MAST4: variants seen among roughly 807,000 people sequenced by gnomAD.
MAST4 encodes the protein microtubule-associated serine/threonine-protein kinase 4.
MAST4 carries 89 observed loss-of-function variants against 162.7 expected under a neutral mutation model. That is an observed-to-expected ratio of 0.55 (90% confidence interval 0.46 to 0.65). MAST4 has a LOEUF of 0.65. Ranked by LOEUF, MAST4 falls within the 30% of genes least tolerant of loss-of-function variation. The pLI, the probability that MAST4 is intolerant of heterozygous loss-of-function variation, is 0.00. For synonymous variants in MAST4, 1,479 were observed against 1,361.1 expected (o/e 1.09, Z -1.91); for missense variants, 3,153 against 3,374.0 (o/e 0.93, Z 1.62).
intron 26 of MAST4, among the ~76,000 whole-genome samples, chr5:67,155,100 C>G (rs1055919219): frequency 6.6e-6 from 1 of 152,172 alleles, no homozygotes; most frequent in Non-Finnish European, 1.5e-5. Flanking sequence ...GCATGACTAC[C>G]TGTATAGTGT....
chr5:66,752,955 C>T (rs1753279833), intron 1 of MAST4, among the ~76,000 whole-genome samples: 1 of 151,636 alleles, frequency 6.6e-6, no homozygotes, highest in Non-Finnish European at 1.5e-5. Flanking sequence ...AACTATCTCT[C>T]AGACCACAGT....
rs552201635 is a variant in MAST4, at chr5:66,773,419, GAGAGC to G, written c.517+13562_517+13566del. Among the ~76,000 whole-genome samples the G allele has an allele frequency of 3.2e-3, 487 of 152,322 alleles. 1 individual carries two copies. Among genetic ancestry groups the G allele is most frequent in the African/African-American group, 0.011 (461 of 41,568 alleles). On this transcript the variant is annotated intron_variant, in intron 2 of 28. Transcript: ENST00000403625. ...CCTGAATCAGACCTAAGCCTGAAGG[GAGAGC>G]AGAGGGTAAGTCCCCTCCTTGCATT...
At chr5:66,757,927 G>C (rs538357936) in intron 1 of MAST4, among the ~76,000 whole-genome samples, 1 of 152,300 alleles carries the variant, frequency 6.6e-6, no homozygotes, top group South Asian at 2.1e-4. Flanking sequence ...CAGTGATTTG[G>C]TTCTGCATTT....
At chr5:66,673,530 G>GTTT (rs11376867) in intron 1 of MAST4, among the ~76,000 whole-genome samples, 17 of 106,546 alleles carry the variant, frequency 1.6e-4, no homozygotes, top group East Asian at 9.3e-4. Flanking sequence ...TTTGTTTTTT[G>GTTT]TTTTTTTTTT....
chr5:67,049,076 T>C (rs1167868979), intron 4 of MAST4, among the ~76,000 whole-genome samples: 1 of 143,514 alleles, frequency 7.0e-6, no homozygotes, highest in Non-Finnish European at 1.5e-5. Flanking sequence ...TATATATATA[T>C]ATACACTACC....
intron 3 of MAST4, among the ~76,000 whole-genome samples, chr5:66,821,780 G>A (rs866441000): frequency 8.5e-5 from 13 of 152,106 alleles, no homozygotes; most frequent in South Asian, 2.1e-4. Context: ...GGGAAACCTC[G>A]GTGCCCTCCT....
chr5:67,017,863 C>T (rs1753505480), intron 4 of MAST4, among the ~76,000 whole-genome samples: 1 of 152,086 alleles, frequency 6.6e-6, no homozygotes, highest in Non-Finnish European at 1.5e-5. Flanking sequence ...TCCCAAAGTG[C>T]AGGGATTGCA....
intron 4 of MAST4, among the ~76,000 whole-genome samples, chr5:67,051,704 A>C (rs546765032): frequency 6.6e-6 from 1 of 152,286 alleles, no homozygotes; most frequent in Non-Finnish European, 1.5e-5. Flanking sequence ...TATATATATC[A>C]AGATATAGGT....
intron 4 of MAST4, among the ~76,000 whole-genome samples, chr5:66,941,880 C>T (rs1356917841): frequency 6.6e-6 from 1 of 151,994 alleles, no homozygotes; most frequent in African/African-American, 2.4e-5. Flanking sequence ...CAGAAAGGCC[C>T]ATGGAGAAGG....
intron 2 of MAST4, among the ~76,000 whole-genome samples, chr5:66,775,603 C>T (rs781760292): frequency 3.3e-5 from 5 of 152,084 alleles, no homozygotes; most frequent in Admixed American, 1.3e-4. Context: ...AAGCAATTGG[C>T]GGTTTGTTAG....
At chr5:66,743,546 A>G (rs1752586903) in intron 1 of MAST4, among the ~76,000 whole-genome samples, 1 of 152,244 alleles carries the variant, frequency 6.6e-6, no homozygotes, top group Non-Finnish European at 1.5e-5. Flanking sequence ...GCACTGGGTC[A>G]GAGTCCAGTC....
chr5:66,752,551 C>G (rs1195893893), intron 1 of MAST4, among the ~76,000 whole-genome samples: 1 of 141,222 alleles, frequency 7.1e-6, no homozygotes, highest in Non-Finnish European at 1.5e-5. Flanking sequence ...ACAAAGAAGG[C>G]CATTACATAA....
At chr5:66,909,994 G>A (rs1763641244) in intron 4 of MAST4, among the ~76,000 whole-genome samples, 1 of 152,108 alleles carries the variant, frequency 6.6e-6, no homozygotes, top group Admixed American at 6.5e-5. Context: ...TGAGTCTATT[G>A]AACTTCTTTC....
At chr5:67,004,944 C>A in intron 4 of MAST4, 1 of 726,672 alleles carries the variant, frequency 1.4e-6, no homozygotes, top group South Asian at 1.5e-5. Context: ...TACCTCTCCC[C>A]ATTTTAGTCA....
At chr5:67,097,019 G>A (rs967971113) in intron 7 of MAST4, among the ~76,000 whole-genome samples, 1 of 152,058 alleles carries the variant, frequency 6.6e-6, no homozygotes, top group Non-Finnish European at 1.5e-5. Flanking sequence ...TATTTTAGAC[G>A]TGTCTTTTAA....
chr5:67,137,012 T>G (rs1472341491), intron 19 of MAST4, among the ~76,000 whole-genome samples: 3 of 152,222 alleles, frequency 2.0e-5, no homozygotes, highest in Non-Finnish European at 4.4e-5. Context: ...TTAAATAACT[T>G]GAAACAGAGG....
At chr5:67,027,246 T>C (rs1015473199) in intron 4 of MAST4, among the ~76,000 whole-genome samples, 1 of 152,164 alleles carries the variant, frequency 6.6e-6, no homozygotes, top group African/African-American at 2.4e-5. Context: ...CACTGAAATA[T>C]ATAATTATTA....
At chr5:67,157,509 G>T (rs141133494) in intron 26 of MAST4, among the ~76,000 whole-genome samples, 148 of 152,250 alleles carry the variant, frequency 9.7e-4, no homozygotes, top group African/African-American at 3.4e-3. Context: ...TATGTTTATG[G>T]CTCCTTCATT....
At chr5:66,773,516 A>G (rs764840664) in intron 2 of MAST4, among the ~76,000 whole-genome samples, 41 of 152,230 alleles carry the variant, frequency 2.7e-4, no homozygotes, top group Non-Finnish European at 2.5e-4. Flanking sequence ...TCTTTGAGTA[A>G]GAATAGAGGG....
Sources: gnomAD v4.1 joint callset for allele counts (sites outside exome capture counted in the v4.1 genomes callset) on GRCh38, gnomAD v4.1.1 for gene constraint, MANE v1.5 for transcripts, NCBI Gene and HGNC (gene_info 2026-07-23, HGNC 2026-07-21) for gene names.